DPP10: variants seen among roughly 807,000 people sequenced by gnomAD.
DPP10 encodes the protein inactive dipeptidyl peptidase 10.
Under a neutral mutation model 120.9 loss-of-function variants are expected in DPP10, and 33 were observed. The ratio of observed to expected loss-of-function variants is 0.27; its 90% confidence interval spans 0.21 to 0.37. The LOEUF (loss-of-function observed/expected upper bound fraction) is 0.37. DPP10 is among the 10% of genes least tolerant of loss of function. The probability of loss-of-function intolerance (pLI) is 1.00; values close to 1 mark genes in which losing one functional copy is unlikely to be tolerated. For synonymous variants in DPP10, 337 were observed against 326.1 expected (o/e 1.03, Z -0.36); for missense variants, 816 against 942.8 (o/e 0.87, Z 1.76).
chr2:114,838,170 CCTCAATCCAGTCACATGCATCCTAACCT>C (rs1342541493), intron 1 of DPP10, among the ~76,000 whole-genome samples: 1 of 152,148 alleles, frequency 6.6e-6, no homozygotes, highest in Non-Finnish European at 1.5e-5. Context: ...AATCCATTGC[CCTCAATCCAGTCACATGCATCCTAACCT>C]CAAGGAAAAC....
At chr2:115,350,337 T>C (rs1182058462) in intron 3 of DPP10, among the ~76,000 whole-genome samples, 2 of 152,106 alleles carry the variant, frequency 1.3e-5, no homozygotes. Flanking sequence ...TGCCAAAATA[T>C]TAAATAATTT....
chr2:114,993,306 A>T (rs1393239467), intron 1 of DPP10, among the ~76,000 whole-genome samples: 1 of 151,548 alleles, frequency 6.6e-6, no homozygotes, highest in Admixed American at 6.6e-5. Flanking sequence ...TGGGGCTGTG[A>T]CTTACTTGTC....
At chr2:115,437,781 GATAA>G (rs1184844596) in intron 3 of DPP10, among the ~76,000 whole-genome samples, 3 of 151,998 alleles carry the variant, frequency 2.0e-5, no homozygotes, top group Non-Finnish European at 4.4e-5. Flanking sequence ...TTTTGAAAGT[GATAA>G]ATGACTACCT....
intron 2 of DPP10, among the ~76,000 whole-genome samples, chr2:115,340,678 A>C (rs1426228777): frequency 6.6e-6 from 1 of 151,786 alleles, no homozygotes; most frequent in Non-Finnish European, 1.5e-5. Flanking sequence ...AAAAAATGTA[A>C]ATGAAATATG....
chr2:115,397,888 TC>T (rs2104454643), intron 3 of DPP10, among the ~76,000 whole-genome samples: 1 of 152,308 alleles, frequency 6.6e-6, no homozygotes, highest in Non-Finnish European at 1.5e-5. Context: ...TGACCAATGC[TC>T]CTTGTCTCTG....
intron 1 of DPP10, among the ~76,000 whole-genome samples, chr2:115,258,714 C>G (rs2059118194): frequency 6.6e-6 from 1 of 151,920 alleles, no homozygotes; most frequent in Non-Finnish European, 1.5e-5. Flanking sequence ...TTGAGACCAG[C>G]CTGGATAACA....
rs539154497 is a variant in DPP10 at position 114,553,821 on chromosome 2, C to G, written c.60+110983C>G. ...CATGCTTTCAAAGCCTATGCCATAA[C>G]CTTTGAATTATTCAGCAATAATTAA... On this transcript the variant is annotated intron_variant, in intron 1 of 25. Coordinates refer to ENST00000410059, the MANE Select transcript of DPP10 (RefSeq NM_020868.6). 2.6e-5 allele frequency among the ~76,000 whole-genome samples: 4 copies of G among 152,228 alleles called. No individual in the cohort carries two copies. The South Asian group carries it at 8.3e-4, about 32-fold the overall frequency.
intron 1 of DPP10, among the ~76,000 whole-genome samples, chr2:114,779,996 T>C (rs1323745356): frequency 2.6e-5 from 4 of 151,396 alleles, no homozygotes; most frequent in East Asian, 3.9e-4. Context: ...ATAAGCCGGG[T>C]GTGGTGGTGG....
intron 1 of DPP10, among the ~76,000 whole-genome samples, chr2:115,217,457 C>T (rs994053465): frequency 3.3e-5 from 5 of 152,164 alleles, no homozygotes; most frequent in African/African-American, 1.2e-4. Context: ...TCATTTGCTT[C>T]ATGGCTTTAC....
At chr2:114,526,461 G>A (rs2104699394) in intron 1 of DPP10, among the ~76,000 whole-genome samples, 1 of 152,214 alleles carries the variant, frequency 6.6e-6, no homozygotes, top group Non-Finnish European at 1.5e-5. Context: ...AAAACAATCT[G>A]GAAAAGGTAT....
At chr2:115,381,879 A>G (rs2066400566) in intron 3 of DPP10, among the ~76,000 whole-genome samples, 8 of 151,656 alleles carry the variant, frequency 5.3e-5, no homozygotes, top group Admixed American at 5.3e-4. Context: ...GTCAGGGGTC[A>G]GGGACCCACT....
chr2:115,118,194 C>T (rs897238869), intron 1 of DPP10, among the ~76,000 whole-genome samples: 2 of 152,190 alleles, frequency 1.3e-5, no homozygotes, highest in African/African-American at 4.8e-5. Flanking sequence ...TCACCAATTT[C>T]TGCTGAGTCT....
intron 1 of DPP10, among the ~76,000 whole-genome samples, chr2:114,848,350 C>A (rs1388010821): frequency 6.6e-6 from 1 of 152,110 alleles, no homozygotes; most frequent in Admixed American, 6.5e-5. Context: ...CCCTGGGACT[C>A]TAGCAAAAGC....
At chr2:115,617,181 C>T (rs1177579692) in intron 5 of DPP10, among the ~76,000 whole-genome samples, 1 of 148,710 alleles carries the variant, frequency 6.7e-6, no homozygotes, top group Non-Finnish European at 1.5e-5. Flanking sequence ...ACCCCCTTAA[C>T]CATGGAGGGT....
chr2:115,331,892 T>C (rs2106175249), intron 2 of DPP10, among the ~76,000 whole-genome samples: 1 of 152,216 alleles, frequency 6.6e-6, no homozygotes, highest in Non-Finnish European at 1.5e-5. Context: ...CTCTTTTTTT[T>C]GTTGTGTCTC....
chr2:114,644,527 G>T (rs1695973338), intron 1 of DPP10, among the ~76,000 whole-genome samples: 2 of 151,814 alleles, frequency 1.3e-5, no homozygotes, highest in South Asian at 2.1e-4. Flanking sequence ...CATTGCTGAT[G>T]GTCTAAGTCA....
intron 1 of DPP10, among the ~76,000 whole-genome samples, chr2:114,962,879 A>G (rs2136544): frequency 0.18 from 27,726 of 152,198 alleles, 2,672 homozygotes; most frequent in East Asian, 0.25. Flanking sequence ...ACTTTATAGG[A>G]ACAGTATATT....
chr2:114,607,604 G>T (rs1475769007), intron 1 of DPP10, among the ~76,000 whole-genome samples: 1 of 152,142 alleles, frequency 6.6e-6, no homozygotes, highest in Non-Finnish European at 1.5e-5. Flanking sequence ...GTAGTCAACA[G>T]ATTCCTTCAC....
At chr2:115,280,253 C>G (rs1278289415) in intron 1 of DPP10, among the ~76,000 whole-genome samples, 1 of 152,088 alleles carries the variant, frequency 6.6e-6, no homozygotes, top group Non-Finnish European at 1.5e-5. Flanking sequence ...GTCTTAAGAT[C>G]TATGTCTTCT....
Sources: gnomAD v4.1 joint callset for allele counts (sites outside exome capture counted in the v4.1 genomes callset) on GRCh38, gnomAD v4.1.1 for gene constraint, MANE v1.5 for transcripts, NCBI Gene and HGNC (gene_info 2026-07-23, HGNC 2026-07-21) for gene names.